The following FRAS1 variants were observed in gnomAD, a reference collection of about 807,000 sequenced individuals.
The protein encoded by FRAS1 is Fraser extracellular matrix complex subunit 1.
In FRAS1, 290 loss-of-function variants were observed where a neutral mutation model predicts 435.2. The ratio of observed to expected loss-of-function variants is 0.67; its 90% CI spans 0.61 to 0.73. The LOEUF (loss-of-function observed/expected upper bound fraction) is 0.73, where lower values mean the gene tolerates loss of function less well. Among genes scored for constraint, FRAS1 ranks in the 30% least tolerant of loss-of-function variants. FRAS1 has a pLI of 0.00. For missense variants in FRAS1, 4,860 were observed against 5,001.5 expected (o/e 0.97, Z 0.85); for synonymous variants, 1,800 against 1,851.0 (o/e 0.97, Z 0.71).
chr4:78,329,731 G>T (rs566774753), intron 18 of FRAS1, among the ~76,000 whole-genome samples: 1 of 152,170 alleles, frequency 6.6e-6, no homozygotes, highest in Non-Finnish European at 1.5e-5. Flanking sequence ...ATGGTCAAAG[G>T]ACACCTTCTA....
At chr4:78,355,733 C>T (rs186573329) in intron 20 of FRAS1, among the ~76,000 whole-genome samples, 1 of 152,292 alleles carries the variant, frequency 6.6e-6, no homozygotes, top group African/African-American at 2.4e-5. Context: ...TATACACTTC[C>T]TCTACTGTGT....
At chr4:78,293,539 T>A (rs996883267) in intron 14 of FRAS1, among the ~76,000 whole-genome samples, 1 of 152,222 alleles carries the variant, frequency 6.6e-6, no homozygotes, top group African/African-American at 2.4e-5. Context: ...TTTCCTCATG[T>A]TTAACATAGT....
At chr4:78,296,202 T>A (rs539721358) in intron 14 of FRAS1, among the ~76,000 whole-genome samples, 34 of 151,766 alleles carry the variant, frequency 2.2e-4, no homozygotes, top group Middle Eastern at 6.8e-3. Context: ...CTCTCCTGTT[T>A]GGTTTGCATA....
intron 2 of FRAS1, among the ~76,000 whole-genome samples, chr4:78,188,218 G>A (rs1334705702): frequency 6.6e-6 from 1 of 152,080 alleles, no homozygotes; most frequent in Non-Finnish European, 1.5e-5. Flanking sequence ...AGAAAAGGAA[G>A]GTGTCTTATC....
At chr4:78,489,448 C>G (rs575166143) in intron 59 of FRAS1, among the ~76,000 whole-genome samples, 1 of 152,224 alleles carries the variant, frequency 6.6e-6, no homozygotes, top group South Asian at 2.1e-4. Flanking sequence ...AGGTCTTCAT[C>G]CTCATTGTCT....
rs1205513564 is a variant in FRAS1 at position 78,522,755 on chromosome 4, T to C, written c.10755T>C (p.Ala3585=). The change falls in exon 69 of 74, where the codon GCT becomes GCC. Residue 3585 remains alanine, a synonymous_variant. Transcript: ENST00000512123. ...IEFDLQLLWS[A]QTFDSPHQLW... ...TTGACTTGCAGCTATTATGGAGCGC[T>C]CAGACTTTTGATTCTCCACATCAAC... 4 of 1,612,394 alleles carry C rather than the reference T, an allele frequency of 2.5e-6. No homozygotes were observed. Among genetic ancestry groups the C allele is most frequent in the Admixed American group, 1.7e-5 (1 of 59,808 alleles).
chr4:78,192,850 T>C (rs999594938), intron 2 of FRAS1, among the ~76,000 whole-genome samples: 1 of 152,224 alleles, frequency 6.6e-6, no homozygotes, highest in African/African-American at 2.4e-5. Flanking sequence ...CTCTAGTTCT[T>C]TGAATTGCAA....
At position 78,295,193 on chromosome 4, in the gene FRAS1, T is replaced by A. The variant is rs138753716; in HGVS notation, c.1534+8654T>A. 5.7e-3 allele frequency among the ~76,000 whole-genome samples: 876 copies of A among 152,366 alleles called. 9 individuals carry two copies. The highest frequency in any genetic ancestry group is 0.02 in the African/African-American group (825 of 41,582). On this transcript the variant is annotated intron_variant, in intron 14 of 73. Coordinates refer to ENST00000512123, the MANE Select transcript of FRAS1 (RefSeq NM_025074.7). ...TTTGTTCCCAATTTTTTTAATTATATGTAACCATGATGTAAACATTTTTAG... is the reference window on the plus strand; with the variant it reads ...TTTGTTCCCAATTTTTTTAATTATAAGTAACCATGATGTAAACATTTTTAG...
At chr4:78,482,630 C>T (rs1720048073) in intron 58 of FRAS1, 95 bp downstream of exon 58, 2 of 1,320,972 alleles carry the variant, frequency 1.5e-6, no homozygotes, top group African/African-American at 1.5e-5. Flanking sequence ...TTCACATTTT[C>T]ATTCAAGAAA....
intron 2 of FRAS1, among the ~76,000 whole-genome samples, chr4:78,126,192 T>A (rs1283740597): frequency 6.6e-6 from 1 of 152,110 alleles, no homozygotes. Flanking sequence ...TCCGTGAGCA[T>A]GGGACCCACC....
At chr4:78,121,929 A>C (rs1358198518) in intron 2 of FRAS1, among the ~76,000 whole-genome samples, 1 of 152,194 alleles carries the variant, frequency 6.6e-6, no homozygotes, top group Non-Finnish European at 1.5e-5. Flanking sequence ...TTTAGACGAC[A>C]ATCAAGACTC....
At chr4:78,222,470 G>A (rs1050172766) in intron 2 of FRAS1, among the ~76,000 whole-genome samples, 2 of 152,200 alleles carry the variant, frequency 1.3e-5, no homozygotes, top group Non-Finnish European at 2.9e-5. Flanking sequence ...TGACTGCAGG[G>A]CAGAAAGAAA....
In FRAS1 at chr4:78,387,689, G is replaced by C. The variant is rs370629874; in HGVS notation, c.3963G>C (p.Lys1321Asn). The C allele has an allele frequency of 5.0e-5, 76 of 1,524,032 alleles. No homozygotes were observed. In the Middle Eastern group the frequency reaches 8.8e-4, roughly 18 times the overall value. The allele number at this position is 1,524,032 out of a possible 1,614,324, so 94.4% of individuals were successfully genotyped here. A position where few individuals can be genotyped will look rare whatever the true frequency, so the allele number is the denominator to read the frequency against. ...HSFHNILFQV[K>N]TVPQNDRGLQ... ...TCCATAATATACTGTTCCAAGTGAA[G>C]ACCGTGCCTCAGGTAGGTGTCATTC... Residue 1321 changes from lysine (K) to asparagine (N), a missense_variant, in exon 29 of 74, where the codon AAG becomes AAC. Transcript: ENST00000512123.
chr4:78,451,530 C>T (rs1719021937), intron 45 of FRAS1, among the ~76,000 whole-genome samples: 1 of 152,168 alleles, frequency 6.6e-6, no homozygotes, highest in East Asian at 1.9e-4. Flanking sequence ...CAGCCTTAAC[C>T]ATGAGAAATG....
intron 15 of FRAS1, among the ~76,000 whole-genome samples, chr4:78,312,848 A>AG (rs1340482580): frequency 1.3e-5 from 1 of 75,214 alleles, no homozygotes; most frequent in Admixed American, 1.2e-4. Context: ...AGAAAAAGAA[A>AG]GAAAGAAAGA....
intron 58 of FRAS1, among the ~76,000 whole-genome samples, chr4:78,486,830 A>ATT (rs67268640): frequency 2.3e-4 from 28 of 123,530 alleles, no homozygotes; most frequent in African/African-American, 5.9e-4. Context: ...CTCTCTCTCT[A>ATT]TTTTTTTTTT....
chr4:78,098,864 C>A (rs1163008214), intron 2 of FRAS1, among the ~76,000 whole-genome samples: 2 of 152,150 alleles, frequency 1.3e-5, no homozygotes, highest in African/African-American at 4.8e-5. Flanking sequence ...CAGAGCTAAG[C>A]CCAAATGAAT....
chr4:78,317,049 C>T (rs1729289351), intron 16 of FRAS1, among the ~76,000 whole-genome samples: 1 of 152,158 alleles, frequency 6.6e-6, no homozygotes, highest in African/African-American at 2.4e-5. Flanking sequence ...CCTCAGTCTC[C>T]TCATCTATAA....
Position 78,255,259 on chromosome 4 carries a change from G to A in FRAS1, c.487G>A (p.Gly163Ser). Residue 163 changes from glycine to serine, a missense_variant, in exon 6 of 74, where the codon GGC becomes AGC. Transcript: ENST00000512123. ...VGLGKPCSYE[G>S]HVFQDGEDWR... ...CCTTCCAGAACCCTGTTCCTATGAA[G>A]GCCATGTGTTTCAGGATGGGGAGGA... is the stretch of plus-strand genomic sequence containing the variant. 6.4e-7 allele frequency: 1 copy of A among 1,552,674 alleles called. No homozygotes were observed. The highest frequency in any genetic ancestry group is 8.7e-7 in the Non-Finnish European group (1 of 1,147,366).
Sources: gnomAD v4.1 joint callset for allele counts (sites outside exome capture counted in the v4.1 genomes callset) on GRCh38, gnomAD v4.1.1 for gene constraint, MANE v1.5 for transcripts, NCBI Gene and HGNC (gene_info 2026-07-23, HGNC 2026-07-21) for gene names.